The following PCDHA13 variants were observed in gnomAD, a reference collection of about 807,000 sequenced individuals.
PCDHA13 encodes protocadherin alpha 13.
PCDHA13 carries 54 observed loss-of-function variants against 64.8 expected under a neutral mutation model. The ratio of observed to expected loss-of-function variants is 0.83; its 90% CI spans 0.67 to 1.04. The LOEUF (loss-of-function observed/expected upper bound fraction) is 1.04, where lower values mean the gene tolerates loss of function less well. Ranked by LOEUF, PCDHA13 falls within the 50% of genes least tolerant of loss-of-function variation. PCDHA13 has a pLI of 0.00. For synonymous variants in PCDHA13, 587 were observed against 564.4 expected (o/e 1.04, Z -0.57); for missense variants, 1,248 against 1,254.3 (o/e 0.99, Z 0.08).
chr5:140,945,800 C>T (rs1411676680), intron 1 of PCDHA13, among the ~76,000 whole-genome samples: 1 of 152,026 alleles, frequency 6.6e-6, no homozygotes, highest in African/African-American at 2.4e-5. Flanking sequence ...TGAAACTAGA[C>T]CCTTATCTCA....
chr5:140,961,760 A>G (rs1563318527), intron 1 of PCDHA13, among the ~76,000 whole-genome samples: 3 of 152,172 alleles, frequency 2.0e-5, no homozygotes. Context: ...TTTTGAAGGA[A>G]TTTATATCAA....
intron 1 of PCDHA13, among the ~76,000 whole-genome samples, chr5:140,913,757 T>C (rs577091404): frequency 6.6e-6 from 1 of 152,282 alleles, no homozygotes; most frequent in South Asian, 2.1e-4. Context: ...TTGTATCTCA[T>C]AGGTTTTGGC....
chr5:140,926,948 CG>C, intron 1 of PCDHA13: 2 of 1,589,778 alleles, frequency 1.3e-6, no homozygotes, highest in African/African-American at 1.3e-5. Context: ...GGCGCTGCAG[CG>C]GGACAGCTCG....
intron 1 of PCDHA13, chr5:140,928,069 A>C (rs782427256): frequency 6.2e-7 from 1 of 1,614,180 alleles, no homozygotes; most frequent in Non-Finnish European, 8.5e-7. Context: ...TTCCTTTGAC[A>C]ACTACTACAG....
intron 1 of PCDHA13, among the ~76,000 whole-genome samples, chr5:140,955,342 C>T (rs981239160): frequency 1.3e-5 from 2 of 152,130 alleles, no homozygotes; most frequent in Admixed American, 6.6e-5. Context: ...ATAATCCCCA[C>T]ATGTTGTGAG....
Position 140,984,851 on chromosome 5 carries a change from A to G in PCDHA13, c.2542+2288A>G, listed in dbSNP as rs986424116. Among the ~76,000 whole-genome samples the G allele has an allele frequency of 2.6e-5, 4 of 152,200 alleles. No individual in the cohort carries two copies. In the South Asian group the frequency reaches 6.2e-4, roughly 24 times the overall value. ...TTTCTGTAAATTGGGTGTAGTAATA[A>G]TAATAACACCTATTTTATTGAGTTA... On this transcript the variant is annotated intron_variant, in intron 3 of 3. Coordinates refer to ENST00000289272, the MANE Select transcript of PCDHA13 (RefSeq NM_018904.3).
chr5:140,986,638 G>A (rs185773882), intron 3 of PCDHA13, among the ~76,000 whole-genome samples: 18 of 152,282 alleles, frequency 1.2e-4, no homozygotes, highest in Non-Finnish European at 2.6e-4. Flanking sequence ...CAGTACATTA[G>A]TTTTAGAGTG....
At chr5:140,952,158 G>A (rs2094696814) in intron 1 of PCDHA13, among the ~76,000 whole-genome samples, 1 of 151,946 alleles carries the variant, frequency 6.6e-6, no homozygotes, top group Non-Finnish European at 1.5e-5. Flanking sequence ...GTGGCTTTGT[G>A]GGGTTCAGTT....
intron 1 of PCDHA13, chr5:140,927,172 G>T: frequency 1.2e-6 from 2 of 1,614,152 alleles, no homozygotes; most frequent in Non-Finnish European, 1.7e-6. Flanking sequence ...AGCTGCCTGC[G>T]TCTTGACCTA....
chr5:140,910,019 T>C (rs2074838579), intron 1 of PCDHA13, among the ~76,000 whole-genome samples: 1 of 152,222 alleles, frequency 6.6e-6, no homozygotes, highest in Non-Finnish European at 1.5e-5. Flanking sequence ...CATCCTTGTA[T>C]CCCTGGGATA....
At chr5:140,916,832 G>A (rs1286597127) in intron 1 of PCDHA13, among the ~76,000 whole-genome samples, 3 of 152,104 alleles carry the variant, frequency 2.0e-5, no homozygotes, top group East Asian at 1.9e-4. Context: ...TATCCCTCTG[G>A]TTCTGAGCCC....
At chr5:140,967,246 G>A in intron 1 of PCDHA13, 1 of 1,613,594 alleles carries the variant, frequency 6.2e-7, no homozygotes, top group Non-Finnish European at 8.5e-7. Context: ...TAAGCGAATC[G>A]GTGGCGCCTG....
At chr5:140,954,036 T>G (rs527853766) in intron 1 of PCDHA13, among the ~76,000 whole-genome samples, 170 of 152,342 alleles carry the variant, frequency 1.1e-3, no homozygotes, top group African/African-American at 3.9e-3. Context: ...GATGTGGTAT[T>G]TGGTTTTCTG....
intron 1 of PCDHA13, among the ~76,000 whole-genome samples, chr5:140,935,679 T>C (rs2090497566): frequency 6.6e-6 from 1 of 152,190 alleles, no homozygotes; most frequent in South Asian, 2.1e-4. Context: ...GTGAAATATT[T>C]ACATGGCTCC....
chr5:140,897,161 G>C (rs1554187213), intron 1 of PCDHA13, among the ~76,000 whole-genome samples: 1 of 151,938 alleles, frequency 6.6e-6, no homozygotes, highest in African/African-American at 2.4e-5. Flanking sequence ...TTCTTCTACT[G>C]TCTATCTCCA....
rs566700844 is a variant in PCDHA13, at chr5:140,926,191, C to T, written c.2394+41529C>T. On this transcript the variant is annotated intron_variant, in intron 1 of 3. Coordinates refer to ENST00000289272, the MANE Select transcript of PCDHA13 (RefSeq NM_018904.3). Reference sequence around the variant, plus strand: ...CCAGCGCGGAAAGCCCCCCGCAGCACTTCTTTCGGGGGGCTCCTGTTTCCT... The same window carrying T: ...CCAGCGCGGAAAGCCCCCCGCAGCATTTCTTTCGGGGGGCTCCTGTTTCCT... Among the ~76,000 whole-genome samples the T allele has an allele frequency of 8.1e-3, 1,227 of 151,838 alleles. 6 individuals carry two copies. Among genetic ancestry groups the T allele is most frequent in the African/African-American group, 0.019 (793 of 41,542 alleles).
At chr5:140,934,437 T>C (rs950173265) in intron 1 of PCDHA13, among the ~76,000 whole-genome samples, 4 of 152,298 alleles carry the variant, frequency 2.6e-5, no homozygotes, top group Admixed American at 6.5e-5. Context: ...AGTGTAAATA[T>C]AGTGAAAAAT....
In PCDHA13 at chr5:140,993,461, CT is replaced by C. The variant is rs1554253717; in HGVS notation, c.2542+10899del. 2.8e-3 allele frequency among the ~76,000 whole-genome samples: 284 copies of C among 103,272 alleles called. 3 individuals are homozygous for C. Among genetic ancestry groups the C allele is most frequent in the African/African-American group, 0.011 (251 of 22,630 alleles). 67.8% of individuals were successfully genotyped at this position (103,272 alleles called of 152,430 possible). ...TCATTCCTGTTCTCCTTCTTTCTTTCTCACACACACACACACACACACACAC... is the reference window on the plus strand; with the variant it reads ...TCATTCCTGTTCTCCTTCTTTCTTTCCACACACACACACACACACACACAC... On this transcript the variant is annotated intron_variant, in intron 3 of 3. Coordinates refer to ENST00000289272, the MANE Select transcript of PCDHA13 (RefSeq NM_018904.3).
intron 1 of PCDHA13, among the ~76,000 whole-genome samples, chr5:140,934,050 C>G (rs558726288): frequency 6.6e-6 from 1 of 151,834 alleles, no homozygotes; most frequent in African/African-American, 2.4e-5. Flanking sequence ...TTAGTCTTTC[C>G]AAGGCTAACT....
Sources: allele counts gnomAD v4.1 joint callset (sites outside exome capture counted in the v4.1 genomes callset), GRCh38; gene constraint gnomAD v4.1.1; transcripts MANE v1.5; gene names NCBI Gene and HGNC (gene_info 2026-07-23, HGNC 2026-07-21).